Variants in PDE4D observed in about 807,000 individuals in gnomAD.
PDE4D encodes phosphodiesterase 4D.
PDE4D carries 24 observed loss-of-function variants against 87.4 expected under a neutral mutation model. The observed-to-expected ratio is 0.27, with a 90% confidence interval of 0.20 to 0.39. The LOEUF is 0.39. Ranked by LOEUF, PDE4D falls within the 10% of genes least tolerant of loss-of-function variation. The probability of loss-of-function intolerance (pLI) is 1.00; values close to 1 mark genes in which losing one functional copy is unlikely to be tolerated. For missense variants in PDE4D, 714 were observed against 1,041.0 expected, an observed-to-expected ratio of 0.69 and a Z score of 4.32; for synonymous variants, 384 against 383.2, an observed-to-expected ratio of 1.00 and a Z score of -0.02.
chr5:60,105,686 G>A (rs1200835956), intron 2 of PDE4D, among the ~76,000 whole-genome samples: 1 of 152,058 alleles, frequency 6.6e-6, no homozygotes, highest in East Asian at 1.9e-4. Context: ...CTACAAGCCA[G>A]AAGATAATGG....
intron 3 of PDE4D, among the ~76,000 whole-genome samples, chr5:59,907,690 A>G (rs1175799262): frequency 6.6e-6 from 1 of 152,196 alleles, no homozygotes; most frequent in Non-Finnish European, 1.5e-5. Flanking sequence ...ACTCCTTGTC[A>G]TCTTTGAGCG....
chr5:59,604,608 T>G (rs1827939415), intron 1 of PDE4D, among the ~76,000 whole-genome samples: 1 of 152,114 alleles, frequency 6.6e-6, no homozygotes, highest in East Asian at 1.9e-4. Flanking sequence ...AAATGGGACA[T>G]GGATGCAAAT....
chr5:60,062,627 G>A (rs1771530736), intron 2 of PDE4D, among the ~76,000 whole-genome samples: 1 of 152,094 alleles, frequency 6.6e-6, no homozygotes, highest in Non-Finnish European at 1.5e-5. Flanking sequence ...TATGTTTATT[G>A]CAGCATTATT....
intron 1 of PDE4D, among the ~76,000 whole-genome samples, chr5:59,364,766 A>G (rs1782772969): frequency 6.6e-6 from 1 of 152,162 alleles, no homozygotes; most frequent in Admixed American, 6.5e-5. Context: ...TCTATATGGA[A>G]TTTTGTTCAA....
chr5:60,431,372 A>G (rs1744276761), intron 1 of PDE4D, among the ~76,000 whole-genome samples: 1 of 150,766 alleles, frequency 6.6e-6, no homozygotes, highest in Admixed American at 6.6e-5. Context: ...GGCCGGGCAG[A>G]GACGCTCCTC....
At chr5:60,397,691 G>A (rs1482212813) in intron 1 of PDE4D, among the ~76,000 whole-genome samples, 1 of 152,182 alleles carries the variant, frequency 6.6e-6, no homozygotes, top group Non-Finnish European at 1.5e-5. Context: ...GGAAACTTCA[G>A]TTAGCTAGGA....
At chr5:59,683,415 T>C (rs746092600) in intron 1 of PDE4D, among the ~76,000 whole-genome samples, 1 of 152,236 alleles carries the variant, frequency 6.6e-6, no homozygotes, top group Non-Finnish European at 1.5e-5. Flanking sequence ...TATATTAACT[T>C]TATGGCTTAT....
intron 1 of PDE4D, among the ~76,000 whole-genome samples, chr5:59,252,223 C>G (rs554961301): frequency 6.6e-6 from 1 of 152,226 alleles, no homozygotes; most frequent in Admixed American, 6.5e-5. Flanking sequence ...TCATATTTGA[C>G]TGTGGACAAA....
chr5:59,222,310 C>T (rs1215404828), intron 1 of PDE4D, among the ~76,000 whole-genome samples: 1 of 152,158 alleles, frequency 6.6e-6, no homozygotes, highest in African/African-American at 2.4e-5. Context: ...CTAGACACTG[C>T]TTCCCTAGTT....
rs56226964 is a variant in PDE4D, at chr5:59,507,679, A to AAAAGAAAAG, written c.456-291712_456-291711insCTTTTCTTT. Among the ~76,000 whole-genome samples the AAAAGAAAAG allele has an allele frequency of 7.0e-4, 83 of 118,702 alleles. 1 individual carries two copies. Among genetic ancestry groups the AAAAGAAAAG allele is most frequent in the Non-Finnish European group, 1.2e-3 (72 of 59,470 alleles). 77.9% of individuals were successfully genotyped at this position (118,702 alleles called of 152,430 possible). On this transcript the variant is annotated intron_variant, in intron 1 of 14. Transcript: ENST00000340635. ...TACCCTGTCTCAAAAAAAAAAAAAA[A>AAAAGAAAAG]AAAAGAAAAGAAAAGAAAAAAGAAA...
chr5:60,311,847 G>T (rs1051859032), intron 1 of PDE4D, among the ~76,000 whole-genome samples: 3 of 152,206 alleles, frequency 2.0e-5, no homozygotes, highest in Admixed American at 6.5e-5. Flanking sequence ...ACACTCATAG[G>T]CTCAAAGTAA....
chr5:59,856,901 T>TGGG (rs1415381282), intron 1 of PDE4D, among the ~76,000 whole-genome samples: 7 of 152,124 alleles, frequency 4.6e-5, no homozygotes, highest in Non-Finnish European at 1.0e-4. Flanking sequence ...TATTAGTCCT[T>TGGG]TTTTTTCTAC....
intron 1 of PDE4D, among the ~76,000 whole-genome samples, chr5:59,298,520 T>G (rs1769551637): frequency 6.6e-6 from 1 of 152,310 alleles, no homozygotes; most frequent in Non-Finnish European, 1.5e-5. Context: ...TTCAAAGTAT[T>G]CATAAATGGA....
At chr5:59,556,005 A>C (rs1349492773) in intron 1 of PDE4D, among the ~76,000 whole-genome samples, 1 of 152,154 alleles carries the variant, frequency 6.6e-6, no homozygotes, top group Non-Finnish European at 1.5e-5. Flanking sequence ...TATCTAGCTC[A>C]GTTTCCTCTA....
intron 5 of PDE4D, among the ~76,000 whole-genome samples, chr5:59,124,370 C>T (rs190987499): frequency 2.2e-4 from 33 of 152,332 alleles, no homozygotes; most frequent in African/African-American, 7.7e-4. Context: ...TTGATTTATA[C>T]TCGAGTAGAC....
chr5:59,870,495 C>T (rs762099908), intron 1 of PDE4D, among the ~76,000 whole-genome samples: 1 of 152,178 alleles, frequency 6.6e-6, no homozygotes, highest in African/African-American at 2.4e-5. Flanking sequence ...TTTCTTTTAA[C>T]GTTGCTAAAA....
chr5:60,112,449 A>G (rs906932582), intron 2 of PDE4D, among the ~76,000 whole-genome samples: 1 of 152,032 alleles, frequency 6.6e-6, no homozygotes, highest in African/African-American at 2.4e-5. Flanking sequence ...AAACAACATG[A>G]CTCACTTCTG....
chr5:59,772,623 G>T (rs560386749), intron 1 of PDE4D, among the ~76,000 whole-genome samples: 178 of 152,288 alleles, frequency 1.2e-3, no homozygotes, highest in Admixed American at 9.9e-3. Context: ...AACAAGCAAG[G>T]CTAGATTTCC....
Position 59,893,255 on chromosome 5 carries a change from C to A in PDE4D, c.368G>T (p.Arg123Leu). Residue 123 changes from arginine to leucine, a missense_variant, in exon 1 of 15, where the codon CGC (arginine) becomes CTC (leucine). Transcript: ENST00000340635. ...ERYLYCRAMDRTSYAVETGHR... is the reference protein window; with the variant it reads ...ERYLYCRAMDLTSYAVETGHR... ...GCCGGTCTCCACCGCGTAGGAGGTG[C>A]GGTCCATGGCGCGACAGTACAGGTA... 6.4e-7 allele frequency: 1 copy of A among 1,552,872 alleles called. No individual in the cohort carries two copies.
Sources: gnomAD v4.1 joint callset for allele counts (sites outside exome capture counted in the v4.1 genomes callset) on GRCh38, gnomAD v4.1.1 for gene constraint, MANE v1.5 for transcripts, NCBI Gene and HGNC (gene_info 2026-07-23, HGNC 2026-07-21) for gene names.